Variants in PARD3B observed in about 807,000 individuals in gnomAD.
The protein encoded by PARD3B is partitioning defective 3 homolog B.
In PARD3B, 103 loss-of-function variants were observed where a neutral mutation model predicts 130.2. The observed-to-expected ratio is 0.79, with a 90% CI of 0.67 to 0.93. The LOEUF (loss-of-function observed/expected upper bound fraction) is 0.93. Among genes scored for constraint, PARD3B ranks in the 40% least tolerant of loss-of-function variants. PARD3B has a pLI of 0.00. For missense variants in PARD3B, 1,609 were observed against 1,499.2 expected (o/e 1.07, Z -1.21); for synonymous variants, 583 against 553.2 (o/e 1.05, Z -0.76).
intron 2 of PARD3B, among the ~76,000 whole-genome samples, chr2:204,827,257 A>G (rs536486932): frequency 1.3e-5 from 2 of 152,268 alleles, no homozygotes; most frequent in African/African-American, 4.8e-5. Context: ...ATCCTACTTT[A>G]TTTATTTATA....
chr2:205,492,297 G>A (rs2049747195), intron 20 of PARD3B, among the ~76,000 whole-genome samples: 1 of 152,124 alleles, frequency 6.6e-6, no homozygotes, highest in East Asian at 1.9e-4. Context: ...TGTGTTGTCT[G>A]TTTAATATTA....
intron 15 of PARD3B, among the ~76,000 whole-genome samples, chr2:205,212,224 A>G (rs1574405750): frequency 6.6e-6 from 1 of 152,026 alleles, no homozygotes; most frequent in African/African-American, 2.4e-5. Context: ...TGGCGGTTTT[A>G]GTAGTGACTT....
intron 1 of PARD3B, among the ~76,000 whole-genome samples, chr2:204,553,681 T>C (rs911948624): frequency 1.0e-3 from 67 of 64,260 alleles, no homozygotes; most frequent in African/African-American, 3.2e-3. Flanking sequence ...TATATATATA[T>C]ATATATATAT....
chr2:205,465,062 G>T (rs1156378306), intron 20 of PARD3B, among the ~76,000 whole-genome samples: 1 of 152,290 alleles, frequency 6.6e-6, no homozygotes, highest in Admixed American at 6.5e-5. Context: ...AAGAAAGGAA[G>T]AGTTGTTTAT....
intron 1 of PARD3B, among the ~76,000 whole-genome samples, chr2:204,648,583 AT>A (rs1332462533): frequency 2.4e-5 from 3 of 126,718 alleles, no homozygotes; most frequent in African/African-American, 9.3e-5. Flanking sequence ...TATATTATAT[AT>A]TATATTATAT....
intron 4 of PARD3B, among the ~76,000 whole-genome samples, chr2:205,087,171 T>A (rs1052691079): frequency 1.3e-5 from 2 of 152,182 alleles, no homozygotes; most frequent in Non-Finnish European, 2.9e-5. Context: ...TAAAAGTACA[T>A]CCAAACTGAA....
At chr2:204,779,967 G>T (rs961969174) in intron 2 of PARD3B, among the ~76,000 whole-genome samples, 5 of 152,168 alleles carry the variant, frequency 3.3e-5, no homozygotes, top group Admixed American at 1.3e-4. Flanking sequence ...CCCATTGAAT[G>T]AATTGGGTTG....
chr2:205,245,939 CA>C (rs1483798516), intron 16 of PARD3B, 117 bp downstream of exon 16: 8 of 791,454 alleles, frequency 1.0e-5, no homozygotes, highest in Non-Finnish European at 1.7e-5. Context: ...CTAATTAATA[CA>C]TGAGATGTCT....
intron 18 of PARD3B, among the ~76,000 whole-genome samples, chr2:205,370,872 T>A (rs2044788110): frequency 6.6e-6 from 1 of 152,238 alleles, no homozygotes; most frequent in Non-Finnish European, 1.5e-5. Flanking sequence ...CTGTCAACTG[T>A]CTGTGTGTGG....
At chr2:204,989,302 T>A (rs1410752147) in intron 3 of PARD3B, among the ~76,000 whole-genome samples, 1 of 151,788 alleles carries the variant, frequency 6.6e-6, no homozygotes, top group Non-Finnish European at 1.5e-5. Flanking sequence ...GAATGTAAGG[T>A]AGGGAAAAAT....
intron 22 of PARD3B, among the ~76,000 whole-genome samples, chr2:205,557,943 G>T (rs1209126007): frequency 6.6e-6 from 1 of 152,054 alleles, no homozygotes; most frequent in African/African-American, 2.4e-5. Context: ...GGCACAGTTT[G>T]CCAGGATCCC....
Position 204,606,396 on chromosome 2 carries a change from C to T in PARD3B, c.120+60277C>T, listed in dbSNP as rs1378518038. On this transcript the variant is annotated intron_variant, in intron 1 of 22. Transcript: ENST00000406610. This position sits in a 1 kb window ranked among gnomAD's most constrained non-coding sequence, Gnocchi z 4.0. ...GTCCATGGTGAGTCAATAAGGGGAT[C>T]TGTTGACTGTATCAGTCAGGGTCCC... 3.9e-5 allele frequency among the ~76,000 whole-genome samples: 6 copies of T among 152,256 alleles called. No individual in the cohort carries two copies. Among genetic ancestry groups the T allele is most frequent in the Admixed American group, 2.6e-4 (4 of 15,278 alleles).
chr2:204,591,965 T>C (rs1476738612), intron 1 of PARD3B, among the ~76,000 whole-genome samples: 1 of 152,244 alleles, frequency 6.6e-6, no homozygotes, highest in Non-Finnish European at 1.5e-5. Context: ...AATATATGTA[T>C]TTCATAAGGT....
chr2:205,451,400 A>C (rs2048099550), intron 20 of PARD3B, among the ~76,000 whole-genome samples: 1 of 152,220 alleles, frequency 6.6e-6, no homozygotes, highest in African/African-American at 2.4e-5. Flanking sequence ...CAGTAAACAA[A>C]GTCAAGAGAG....
chr2:204,901,572 T>C (rs918352362), intron 2 of PARD3B, among the ~76,000 whole-genome samples: 23 of 151,728 alleles, frequency 1.5e-4, no homozygotes, highest in African/African-American at 5.6e-4. Flanking sequence ...TAGAATCTAC[T>C]TGGTGCTCTA....
intron 20 of PARD3B, among the ~76,000 whole-genome samples, chr2:205,456,241 C>T (rs1473178445): frequency 6.6e-6 from 1 of 152,036 alleles, no homozygotes; most frequent in African/African-American, 2.4e-5. Flanking sequence ...ATGGATGTAC[C>T]ATTTGCTTAA....
chr2:205,133,461 G>A (rs2032196667), intron 10 of PARD3B, among the ~76,000 whole-genome samples: 1 of 152,098 alleles, frequency 6.6e-6, no homozygotes, highest in South Asian at 2.1e-4. Flanking sequence ...CTGGAGGTGG[G>A]CTTAGAAATC....
intron 2 of PARD3B, among the ~76,000 whole-genome samples, chr2:204,738,024 A>G (rs2039835961): frequency 6.6e-6 from 1 of 152,106 alleles, no homozygotes; most frequent in Non-Finnish European, 1.5e-5. Flanking sequence ...TTTGTTCAAA[A>G]ACTTTTGCTT....
chr2:204,605,207 G>T (rs1379043381), intron 1 of PARD3B, among the ~76,000 whole-genome samples: 1 of 152,098 alleles, frequency 6.6e-6, no homozygotes. Flanking sequence ...CCGAAAGAAG[G>T]CCCCAATTCA....
Sources: allele counts gnomAD v4.1 joint callset (sites outside exome capture counted in the v4.1 genomes callset), GRCh38; gene constraint gnomAD v4.1.1; non-coding constraint Gnocchi (gnomAD v3.1); transcripts MANE v1.5; gene names NCBI Gene and HGNC (gene_info 2026-07-23, HGNC 2026-07-21).